DPP10: variants seen among roughly 807,000 people sequenced by gnomAD.
The protein encoded by DPP10 is dipeptidyl peptidase like 10.
In DPP10, 33 loss-of-function variants were observed where a neutral mutation model predicts 120.9. That is an observed-to-expected ratio of 0.27 (90% CI 0.21 to 0.37). The LOEUF (loss-of-function observed/expected upper bound fraction) is 0.37, where lower values mean the gene tolerates loss of function less well. DPP10 is among the 10% of genes least tolerant of loss of function. The pLI, the probability that DPP10 is intolerant of heterozygous loss-of-function variation, is 1.00. For missense variants in DPP10, 816 were observed against 942.8 expected, an observed-to-expected ratio of 0.87 and a Z score of 1.76; for synonymous variants, 337 against 326.1, an observed-to-expected ratio of 1.03 and a Z score of -0.36.
At chr2:114,461,745 G>C (rs1316130195) in intron 1 of DPP10, 33 of 985,292 alleles carry the variant, frequency 3.3e-5, no homozygotes, top group Non-Finnish European at 3.9e-5. Context: ...TAATTAAACA[G>C]TCTGGGGCTC....
intron 5 of DPP10, among the ~76,000 whole-genome samples, chr2:115,672,299 G>T (rs2089934261): frequency 6.6e-6 from 1 of 151,952 alleles, no homozygotes. Context: ...TATTTCATTA[G>T]CAGACACACT....
Position 115,107,804 on chromosome 2 carries a change from T to C in DPP10, c.61-201435T>C, listed in dbSNP as rs551627567. On this transcript the variant is annotated intron_variant, in intron 1 of 25. Transcript: ENST00000410059. ...TTTCGAAAGACTTATAGAACATTTTTAGTCAGTCTTTTTAAGAAAACCTGA... is the reference window on the plus strand; with the variant it reads ...TTTCGAAAGACTTATAGAACATTTTCAGTCAGTCTTTTTAAGAAAACCTGA... Among the ~76,000 whole-genome samples the C allele has an allele frequency of 2.0e-5, 3 of 152,298 alleles. No individual in the cohort carries two copies. In the South Asian group the frequency reaches 6.2e-4, roughly 32 times the overall value.
At chr2:115,133,544 T>A (rs899561061) in intron 1 of DPP10, among the ~76,000 whole-genome samples, 7 of 152,144 alleles carry the variant, frequency 4.6e-5, no homozygotes, top group Non-Finnish European at 1.0e-4. Flanking sequence ...GAGTACTTAA[T>A]GCCAAAAACT....
chr2:115,749,264 G>C (rs1321326587), intron 10 of DPP10, among the ~76,000 whole-genome samples: 2 of 152,184 alleles, frequency 1.3e-5, no homozygotes, highest in African/African-American at 4.8e-5. Context: ...ATTTTCCACA[G>C]ATTGGATAAG....
At chr2:115,378,228 TC>T (rs1277716709) in intron 3 of DPP10, among the ~76,000 whole-genome samples, 1 of 151,976 alleles carries the variant, frequency 6.6e-6, no homozygotes, top group African/African-American at 2.4e-5. Context: ...TTTTATTTCA[TC>T]GAGCAGTGGT....
intron 1 of DPP10, among the ~76,000 whole-genome samples, chr2:115,224,196 G>A (rs898115872): frequency 2.0e-5 from 3 of 152,128 alleles, no homozygotes; most frequent in South Asian, 2.1e-4. Flanking sequence ...GTGCAAAGTG[G>A]GGTCTGGATC....
chr2:115,445,227 G>T (rs549428150), intron 3 of DPP10, among the ~76,000 whole-genome samples: 1 of 152,176 alleles, frequency 6.6e-6, no homozygotes, highest in East Asian at 1.9e-4. Context: ...CACAGTCTTG[G>T]GTATGTCTTT....
intron 7 of DPP10, among the ~76,000 whole-genome samples, chr2:115,698,389 T>A (rs903591062): frequency 3.3e-5 from 5 of 152,190 alleles, no homozygotes; most frequent in Non-Finnish European, 7.3e-5. Context: ...CTATATATAC[T>A]TACTGCTGTG....
chr2:115,504,805 T>C (rs2076860658), intron 4 of DPP10, among the ~76,000 whole-genome samples: 1 of 152,090 alleles, frequency 6.6e-6, no homozygotes, highest in African/African-American at 2.4e-5. Context: ...GCTTTAAAAG[T>C]AGTGGTCATT....
At position 114,599,023 on chromosome 2, in the gene DPP10, T is replaced by A. The variant is rs1235137407; in HGVS notation, c.60+156185T>A. 2.0e-5 allele frequency among the ~76,000 whole-genome samples: 3 copies of A among 151,660 alleles called. No individual in the cohort carries two copies. The East Asian group carries it at 5.8e-4, about 29-fold the overall frequency. On this transcript the variant is annotated intron_variant, in intron 1 of 25. Transcript: ENST00000410059. ...TAAGTCAATAATTGGATGAAAAGAG[T>A]TCTGCGTTTGCTTGACCTAAGTATT...
intron 1 of DPP10, among the ~76,000 whole-genome samples, chr2:115,208,771 G>C (rs1325271154): frequency 6.6e-6 from 1 of 152,086 alleles, no homozygotes; most frequent in Non-Finnish European, 1.5e-5. Context: ...CCCTTCTGGG[G>C]AGTTCAAAAT....
At chr2:115,743,148 A>G (rs967207115) in intron 9 of DPP10, among the ~76,000 whole-genome samples, 10 of 152,164 alleles carry the variant, frequency 6.6e-5, no homozygotes, top group African/African-American at 1.7e-4. Context: ...TAAAAAGCAA[A>G]TAGATGAAAA....
intron 5 of DPP10, among the ~76,000 whole-genome samples, chr2:115,615,571 A>C (rs1313481652): frequency 6.6e-6 from 1 of 152,212 alleles, no homozygotes; most frequent in Non-Finnish European, 1.5e-5. Context: ...ATTTTTATTA[A>C]GAAAAAAAGC....
intron 1 of DPP10, among the ~76,000 whole-genome samples, chr2:114,877,650 T>G (rs1462633598): frequency 6.6e-6 from 1 of 152,032 alleles, no homozygotes; most frequent in Non-Finnish European, 1.5e-5. Context: ...CCAAAGGATT[T>G]CACTTACAAA....
At chr2:115,618,811 G>A (rs911045580) in intron 5 of DPP10, among the ~76,000 whole-genome samples, 10 of 151,918 alleles carry the variant, frequency 6.6e-5, no homozygotes, top group East Asian at 1.9e-4. Flanking sequence ...CATCGATAGC[G>A]GGAGGAAGTA....
At chr2:115,171,023 G>C (rs564829938) in intron 1 of DPP10, among the ~76,000 whole-genome samples, 1 of 152,198 alleles carries the variant, frequency 6.6e-6, no homozygotes, top group African/African-American at 2.4e-5. Context: ...ACATTTCTGA[G>C]AGCCATCGTC....
At chr2:115,795,868 A>G (rs1247705345) in intron 19 of DPP10, among the ~76,000 whole-genome samples, 1 of 152,078 alleles carries the variant, frequency 6.6e-6, no homozygotes, top group African/African-American at 2.4e-5. Flanking sequence ...CTAACCTGCT[A>G]TACTATTCTC....
At chr2:114,636,606 A>G (rs1489769059) in intron 1 of DPP10, among the ~76,000 whole-genome samples, 1 of 151,976 alleles carries the variant, frequency 6.6e-6, no homozygotes, top group Non-Finnish European at 1.5e-5. Flanking sequence ...ATACTCTGGG[A>G]ACGCTGTAGT....
chr2:115,459,331 A>G (rs1050374493), intron 3 of DPP10, among the ~76,000 whole-genome samples: 4 of 151,820 alleles, frequency 2.6e-5, no homozygotes, highest in Admixed American at 1.3e-4. Context: ...TAATTTTTGT[A>G]TTTTTAATAG....
Sources: gnomAD v4.1 joint callset for allele counts (sites outside exome capture counted in the v4.1 genomes callset) on GRCh38, gnomAD v4.1.1 for gene constraint, MANE v1.5 for transcripts, NCBI Gene and HGNC (gene_info 2026-07-23, HGNC 2026-07-21) for gene names.